LNX1: variants seen among roughly 807,000 people sequenced by gnomAD.
The protein encoded by LNX1 is E3 ubiquitin-protein ligase LNX.
Under a neutral mutation model 68.4 loss-of-function variants are expected in LNX1, and 54 were observed. That is an observed-to-expected ratio of 0.79 (90% confidence interval 0.63 to 0.99). The LOEUF (loss-of-function observed/expected upper bound fraction) is 0.99. Ranked by LOEUF, LNX1 falls within the 50% of genes least tolerant of loss-of-function variation. The pLI, the probability that LNX1 is intolerant of heterozygous loss-of-function variation, is 0.00. For missense variants in LNX1, 906 were observed against 926.4 expected (o/e 0.98, Z 0.29); for synonymous variants, 336 against 350.0 (o/e 0.96, Z 0.45).
At position 53,576,209 on chromosome 4, in the gene LNX1, G is replaced by C. The variant is rs1449930912; in HGVS notation, c.-86-2121C>G. ...TGGGTGGATGTGACAATCTCCACCA[G>C]TGCCCTGGCTCGCTTCCTGCAGCCG... On this transcript the variant is annotated intron_variant, in intron 1 of 10. Transcript: ENST00000263925. The C allele has an allele frequency of 1.9e-6, 3 of 1,597,300 alleles. No individual in the cohort carries two copies. In the East Asian group the frequency reaches 6.8e-5, roughly 36 times the overall value.
intron 9 of LNX1, among the ~76,000 whole-genome samples, chr4:53,472,703 A>AAAAAAAAC (rs1560614656): frequency 7.6e-6 from 1 of 131,578 alleles, no homozygotes; most frequent in African/African-American, 2.6e-5. Context: ...AAAAAAACAA[A>AAAAAAAAC]AAACAATGGG....
At chr4:53,538,207 T>G (rs1728509256) in intron 2 of LNX1, among the ~76,000 whole-genome samples, 1 of 152,206 alleles carries the variant, frequency 6.6e-6, no homozygotes, top group African/African-American at 2.4e-5. Context: ...GGCATGTGGA[T>G]TGCTCCTGTG....
chr4:53,558,041 A>C (rs562616365), intron 2 of LNX1: 1 of 1,592,550 alleles, frequency 6.3e-7, no homozygotes, highest in African/African-American at 1.3e-5. Context: ...AAGCTCCTTT[A>C]AGCAAACCTT....
At chr4:53,583,969 AACAACG>A (rs762615700) in intron 1 of LNX1, among the ~76,000 whole-genome samples, 3,591 of 124,652 alleles carry the variant, frequency 0.029, 68 homozygotes, top group Middle Eastern at 0.048. Flanking sequence ...CAACAACAAC[AACAACG>A]ACAAATGAAG....
chr4:53,502,508 A>G (rs1725580291), intron 4 of LNX1, among the ~76,000 whole-genome samples: 1 of 152,160 alleles, frequency 6.6e-6, no homozygotes, highest in African/African-American at 2.4e-5. Context: ...GCTTGTTGTA[A>G]TCTTTTTGCT....
intron 1 of LNX1, among the ~76,000 whole-genome samples, chr4:53,634,604 C>T (rs1323911987): frequency 6.6e-6 from 1 of 151,986 alleles, no homozygotes; most frequent in African/African-American, 2.4e-5. Flanking sequence ...GGAGTACCAT[C>T]TCTACTGGTG....
intron 2 of LNX1, among the ~76,000 whole-genome samples, chr4:53,553,599 T>C (rs1021042381): frequency 1.3e-5 from 2 of 152,208 alleles, no homozygotes; most frequent in African/African-American, 4.8e-5. Context: ...TGAAAGTTAT[T>C]TTCCCAGATT....
rs113411128 is a variant in LNX1 at position 53,459,413 on chromosome 4, T to C, written c.*1494A>G. The C allele has an allele frequency of 6.2e-7, 1 of 1,612,716 alleles. No individual in the cohort carries two copies. Among genetic ancestry groups the C allele is most frequent in the Non-Finnish European group, 8.5e-7 (1 of 1,179,444 alleles). ...AAGAAGCGGGCAGTGAGCCTGCCCC[T>C]GAACAGGAGAGCACCGAAGCTACAC... On this transcript the variant is annotated 3_prime_UTR_variant, in exon 11 of 11. Transcript: ENST00000263925.
chr4:53,606,504 AGAC>A (rs1733242797), intron 2 of LNX1, among the ~76,000 whole-genome samples: 1 of 152,098 alleles, frequency 6.6e-6, no homozygotes, highest in Admixed American at 6.6e-5. Flanking sequence ...AAACAGAACA[AGAC>A]AGATTCACAG....
At chr4:53,495,305 G>A (rs1328039519) in intron 6 of LNX1, among the ~76,000 whole-genome samples, 2 of 152,146 alleles carry the variant, frequency 1.3e-5, no homozygotes, top group African/African-American at 4.8e-5. Flanking sequence ...CAGTGACCCT[G>A]ACGAAGTCAA....
At chr4:53,466,478 G>A (rs1284983880) in intron 9 of LNX1, among the ~76,000 whole-genome samples, 3 of 152,220 alleles carry the variant, frequency 2.0e-5, no homozygotes, top group Non-Finnish European at 4.4e-5. Flanking sequence ...TCACTAGGGA[G>A]TGCCAGACGG....
intron 2 of LNX1, chr4:53,558,132 C>T (rs1440964986): frequency 3.2e-5 from 45 of 1,420,558 alleles, no homozygotes; most frequent in East Asian, 1.1e-4. Context: ...ATCACGGGCC[C>T]GTAAGAAGAT....
intron 1 of LNX1, among the ~76,000 whole-genome samples, chr4:53,588,973 A>AGC (rs1268441542): frequency 6.6e-6 from 1 of 152,218 alleles, no homozygotes; most frequent in East Asian, 1.9e-4. Flanking sequence ...CTTCTATGGT[A>AGC]CAATGAGGCT....
At chr4:53,635,224 A>G (rs909941967) in intron 1 of LNX1, among the ~76,000 whole-genome samples, 1 of 152,176 alleles carries the variant, frequency 6.6e-6, no homozygotes, top group Non-Finnish European at 1.5e-5. Flanking sequence ...GGGCAGAATG[A>G]TACCATTAGA....
At chr4:53,483,115 T>C (rs180799944) in intron 6 of LNX1, among the ~76,000 whole-genome samples, 14 of 152,272 alleles carry the variant, frequency 9.2e-5, no homozygotes, top group African/African-American at 3.4e-4. Flanking sequence ...AGGAGGTAAC[T>C]GATTCATGGG....
chr4:53,564,784 C>T (rs1047199108), intron 2 of LNX1, among the ~76,000 whole-genome samples: 2 of 152,122 alleles, frequency 1.3e-5, no homozygotes, highest in African/African-American at 4.8e-5. Flanking sequence ...TCAGTGGGTG[C>T]GCGCACCCTG....
intron 2 of LNX1, among the ~76,000 whole-genome samples, chr4:53,608,987 T>C (rs1392042540): frequency 7.9e-5 from 12 of 151,836 alleles, no homozygotes; most frequent in African/African-American, 4.8e-5. Context: ...AGGGTGAGAA[T>C]CAGAATACCC....
chr4:53,505,833 GTCTTACACTAAA>G (rs1295550464), intron 4 of LNX1, among the ~76,000 whole-genome samples: 25 of 152,304 alleles, frequency 1.6e-4, no homozygotes, highest in Middle Eastern at 3.4e-3. Flanking sequence ...AGGAGGCAAA[GTCTTACACTAAA>G]TCTGGAAGAA....
chr4:53,538,076 C>A (rs921497604), intron 2 of LNX1, among the ~76,000 whole-genome samples: 3 of 152,168 alleles, frequency 2.0e-5, no homozygotes, highest in African/African-American at 7.2e-5. Flanking sequence ...TTGGTTTCAA[C>A]CAACCATTGG....
Sources: allele counts gnomAD v4.1 joint callset (sites outside exome capture counted in the v4.1 genomes callset), GRCh38; gene constraint gnomAD v4.1.1; transcripts MANE v1.5; gene names NCBI Gene and HGNC (gene_info 2026-07-23, HGNC 2026-07-21).